Variants in CA10 observed in about 807,000 individuals in gnomAD.
CA10 encodes carbonic anhydrase-related protein 10.
CA10 carries 14 observed loss-of-function variants against 44.2 expected under a neutral mutation model. The observed-to-expected ratio is 0.32, with a 90% CI of 0.21 to 0.50. The LOEUF (loss-of-function observed/expected upper bound fraction) is 0.50. Among genes scored for constraint, CA10 ranks in the 20% least tolerant of loss-of-function variants. CA10 has a pLI of 0.99. For synonymous variants in CA10, 159 were observed against 141.6 expected (o/e 1.12, Z -0.87); for missense variants, 350 against 409.7 (o/e 0.85, Z 1.26).
chr17:52,119,368 G>A (rs573046948), intron 1 of CA10, among the ~76,000 whole-genome samples: 6 of 152,156 alleles, frequency 3.9e-5, no homozygotes, highest in East Asian at 3.9e-4. Flanking sequence ...TATGCATCCC[G>A]TTAAGGAATC....
chr17:51,931,381 T>TG (rs1441827665), intron 2 of CA10, among the ~76,000 whole-genome samples: 1 of 152,162 alleles, frequency 6.6e-6, no homozygotes, highest in African/African-American at 2.4e-5. Flanking sequence ...GCAGTTTCTT[T>TG]GTTGACTGCA....
chr17:52,146,558 C>T (rs1387832362), intron 1 of CA10, among the ~76,000 whole-genome samples: 2 of 151,870 alleles, frequency 1.3e-5, no homozygotes, highest in South Asian at 2.1e-4. Context: ...GCCGTGGTGG[C>T]GGGCGCCTGT....
intron 3 of CA10, among the ~76,000 whole-genome samples, chr17:51,748,137 A>G (rs1375757098): frequency 6.6e-6 from 1 of 152,224 alleles, no homozygotes; most frequent in Non-Finnish European, 1.5e-5. Context: ...AGGATTTGGA[A>G]TGGAAAGATA....
At position 51,630,404 on chromosome 17, in the gene CA10, G is replaced by A. The variant is rs955124346; in HGVS notation, c.*1180C>T. 1.3e-5 allele frequency: 2 copies of A among 152,628 alleles called. No individual in the cohort carries two copies. Among genetic ancestry groups the A allele is most frequent in the African/African-American group, 2.4e-5 (1 of 41,454 alleles). The allele number at this position is 152,628 out of a possible 1,614,324, so 9.5% of individuals were successfully genotyped here. ...TATAAACAAGAAAAGAAAGGCATTC[G>A]TTTTGTACTTTGTGAGATCTGGCTG... On this transcript the variant is annotated 3_prime_UTR_variant, in exon 9 of 9. Coordinates refer to ENST00000451037, the MANE Select transcript of CA10 (RefSeq NM_020178.5).
chr17:52,039,377 G>C (rs1028933973), intron 2 of CA10, among the ~76,000 whole-genome samples: 2 of 151,968 alleles, frequency 1.3e-5, no homozygotes, highest in Admixed American at 1.3e-4. Context: ...GGGGAGAAGT[G>C]ATCATCTTAA....
intron 2 of CA10, among the ~76,000 whole-genome samples, chr17:51,963,705 C>A (rs1187171823): frequency 6.6e-6 from 1 of 152,070 alleles, no homozygotes; most frequent in African/African-American, 2.4e-5. Context: ...ATTTTAAAGA[C>A]AAACAAGTGC....
chr17:52,121,407 A>C (rs1381368783), intron 1 of CA10, among the ~76,000 whole-genome samples: 1 of 152,230 alleles, frequency 6.6e-6, no homozygotes, highest in Non-Finnish European at 1.5e-5. Flanking sequence ...TTGCTTAAAA[A>C]AGAAAAAAAA....
intron 2 of CA10, among the ~76,000 whole-genome samples, chr17:52,061,705 TGAA>T (rs1987391180): frequency 6.6e-6 from 1 of 152,178 alleles, no homozygotes; most frequent in Admixed American, 6.5e-5. Context: ...TTCCTCCATG[TGAA>T]GAAGGTGTTT....
chr17:52,146,515 C>T (rs1053377314), intron 1 of CA10, among the ~76,000 whole-genome samples: 3 of 151,814 alleles, frequency 2.0e-5, no homozygotes, highest in African/African-American at 7.3e-5. Flanking sequence ...ACAGTGAAAC[C>T]CCGCCTCTAC....
chr17:51,744,757 T>G (rs1904613515), intron 4 of CA10, among the ~76,000 whole-genome samples: 1 of 152,192 alleles, frequency 6.6e-6, no homozygotes, highest in Non-Finnish European at 1.5e-5. Context: ...TACCACCCAT[T>G]GGCCATAGGT....
intron 2 of CA10, among the ~76,000 whole-genome samples, chr17:51,998,795 G>A (rs2144116089): frequency 6.6e-6 from 1 of 152,122 alleles, no homozygotes; most frequent in East Asian, 2.0e-4. Context: ...ATAATTCTCA[G>A]TAATAATCCA....
intron 4 of CA10, among the ~76,000 whole-genome samples, chr17:51,657,482 G>A (rs1913837844): frequency 6.6e-6 from 1 of 152,138 alleles, no homozygotes; most frequent in Non-Finnish European, 1.5e-5. Flanking sequence ...AGGTGGGTCT[G>A]GAGAAAAGCA....
At chr17:51,657,340 T>G (rs1309708636) in intron 4 of CA10, among the ~76,000 whole-genome samples, 3 of 152,208 alleles carry the variant, frequency 2.0e-5, no homozygotes, top group Non-Finnish European at 2.9e-5. Context: ...AAGTGCTGCT[T>G]CCTTTCTACT....
intron 4 of CA10, among the ~76,000 whole-genome samples, chr17:51,665,271 C>T (rs558873192): frequency 4.2e-4 from 64 of 152,054 alleles, no homozygotes; most frequent in African/African-American, 1.5e-3. Context: ...CCATTAAACC[C>T]GCAGTGGATT....
intron 2 of CA10, among the ~76,000 whole-genome samples, chr17:52,059,848 A>G (rs2907786): frequency 0.1 from 15,179 of 152,216 alleles, 795 homozygotes; most frequent in South Asian, 0.14. Context: ...TCTCAAACAC[A>G]AAGGTTTACA....
At chr17:52,075,118 T>C (rs1987784366) in intron 1 of CA10, among the ~76,000 whole-genome samples, 1 of 152,164 alleles carries the variant, frequency 6.6e-6, no homozygotes, top group South Asian at 2.1e-4. Flanking sequence ...CTAATTTACA[T>C]ACATAATTTC....
intron 2 of CA10, among the ~76,000 whole-genome samples, chr17:51,974,930 A>G (rs1390440372): frequency 6.6e-6 from 1 of 152,216 alleles, no homozygotes; most frequent in African/African-American, 2.4e-5. Context: ...AAGGCAAGAA[A>G]TGTCATAATA....
intron 4 of CA10, among the ~76,000 whole-genome samples, chr17:51,705,577 C>G (rs75873689): frequency 6.6e-6 from 1 of 151,962 alleles, no homozygotes; most frequent in African/African-American, 2.4e-5. Context: ...TCCTCATACC[C>G]GGAGATGAGG....
intron 1 of CA10, among the ~76,000 whole-genome samples, chr17:52,094,338 T>C (rs1469263917): frequency 2.0e-5 from 3 of 150,752 alleles, no homozygotes; most frequent in East Asian, 3.9e-4. Context: ...AAAGATTATG[T>C]CCTTAAAATT....
Sources: gnomAD v4.1 joint callset for allele counts (sites outside exome capture counted in the v4.1 genomes callset) on GRCh38, gnomAD v4.1.1 for gene constraint, MANE v1.5 for transcripts, NCBI Gene and HGNC (gene_info 2026-07-23, HGNC 2026-07-21) for gene names.